The following AP1S1 variants were observed in gnomAD, a reference collection of about 807,000 sequenced individuals.
AP1S1 encodes adaptor related protein complex 1 subunit sigma 1.
In AP1S1, 13 loss-of-function variants were observed where a neutral mutation model predicts 23.9. The observed-to-expected ratio is 0.54, with a 90% CI of 0.35 to 0.86. AP1S1 has a LOEUF of 0.86. AP1S1 is among the 40% of genes least tolerant of loss of function. The pLI is 0.01. For synonymous variants in AP1S1, 84 were observed against 77.7 expected, an observed-to-expected ratio of 1.08 and a Z score of -0.43; for missense variants, 119 against 197.6, an observed-to-expected ratio of 0.60 and a Z score of 2.38.
chr7:101,157,524 TC>T, intron 3 of AP1S1, 39 bp downstream of exon 3: 1 of 1,486,126 alleles, frequency 6.7e-7, no homozygotes, highest in Non-Finnish European at 9.2e-7. Context: ...TTCCCAGCAA[TC>T]CCCTTTGGTA....
intron 2 of AP1S1, 128 bp from the exon 3 acceptor site, chr7:101,157,249 C>T (rs1370601285): frequency 2.4e-5 from 16 of 677,526 alleles, no homozygotes; most frequent in Admixed American, 4.8e-5. Flanking sequence ...TCTTTACATG[C>T]CCTAGGGCCA....
intron 3 of AP1S1, 61 bp downstream of exon 3, chr7:101,157,546 C>T (rs770247925): frequency 1.6e-5 from 21 of 1,306,364 alleles, no homozygotes; most frequent in Non-Finnish European, 2.1e-5. Flanking sequence ...ATCCACCAAA[C>T]TTTGAGGCCC....
chr7:101,160,787 G>A lies in AP1S1; in HGVS notation c.*221G>A. On this transcript the variant is annotated 3_prime_UTR_variant, in exon 5 of 5. Transcript: ENST00000337619. The stretch of plus-strand genomic sequence containing the variant: ...CCACTGAAGGTTTTAGAAGCTAGGA[G>A]GCAGGAAAATGTGACCCAGATGGGG... 1.4e-6 allele frequency: 1 copy of A among 718,762 alleles called. No homozygotes were observed. Among genetic ancestry groups the A allele is most frequent in the Non-Finnish European group, 2.5e-6 (1 of 400,378 alleles). The allele number at this position is 718,762 out of a possible 1,614,324, so 44.5% of individuals were successfully genotyped here. A position where few individuals can be genotyped will look rare whatever the true frequency, so the allele number is the denominator to read the frequency against.
In AP1S1 at chr7:101,160,736, C is replaced by A. The variant is rs371696190; in HGVS notation, c.*170C>A. The A allele has an allele frequency of 1.3e-6, 1 of 788,046 alleles. No individual in the cohort carries two copies. Among genetic ancestry groups the A allele is most frequent in the East Asian group, 2.6e-5 (1 of 38,450 alleles). 48.8% of individuals were successfully genotyped at this position (788,046 alleles called of 1,614,324 possible). On this transcript the variant is annotated 3_prime_UTR_variant, in exon 5 of 5. Transcript: ENST00000337619. ...GCCCTTCAAACATTCCCTCCCTCCACCCCCTACCTCCACTTTCCCCTTTTC... is the reference window on the plus strand; with the variant it reads ...GCCCTTCAAACATTCCCTCCCTCCAACCCCTACCTCCACTTTCCCCTTTTC...
intron 4 of AP1S1, 115 bp downstream of exon 4, chr7:101,159,311 T>C (rs1797047548): frequency 7.0e-7 from 1 of 1,431,758 alleles, no homozygotes; most frequent in Admixed American, 2.4e-5. Flanking sequence ...CCCCCCTCCC[T>C]GTGGTATCTG....
At chr7:101,155,938 T>C (rs1048545733) in intron 1 of AP1S1, among the ~76,000 whole-genome samples, 2 of 152,108 alleles carry the variant, frequency 1.3e-5, no homozygotes, top group Non-Finnish European at 2.9e-5. Context: ...GTAATAATAG[T>C]AATAACTAAC....
intron 1 of AP1S1, chr7:101,155,105 C>A (rs1486066141): frequency 9.3e-6 from 8 of 859,038 alleles, no homozygotes; most frequent in Non-Finnish European, 1.1e-5. Context: ...GGGCTCTCTG[C>A]CCCCCTTCCC....
intron 3 of AP1S1, 86 bp downstream of exon 3, chr7:101,157,571 C>A: frequency 9.3e-7 from 1 of 1,072,744 alleles, no homozygotes; most frequent in Non-Finnish European, 1.4e-6. Flanking sequence ...AGTCTCTGCC[C>A]TGGAAGTTTC....
chr7:101,160,143 C>T (rs1797072068), intron 4 of AP1S1, among the ~76,000 whole-genome samples: 1 of 152,076 alleles, frequency 6.6e-6, no homozygotes, highest in African/African-American at 2.4e-5. Flanking sequence ...CTCTGAAAAA[C>T]AGGACCCAGT....
At chr7:101,155,333 G>A (rs1217379114) in intron 1 of AP1S1, among the ~76,000 whole-genome samples, 1 of 152,224 alleles carries the variant, frequency 6.6e-6, no homozygotes, top group African/African-American at 2.4e-5. Flanking sequence ...ACTGGGGTAA[G>A]GAGAAGACTC....
Position 101,160,592 on chromosome 7 carries a change from T to A in AP1S1, c.*26T>A. 10 of 1,609,360 alleles carry A rather than the reference T, an allele frequency of 6.2e-6. No homozygotes were observed. Among genetic ancestry groups the A allele is most frequent in the Non-Finnish European group, 7.6e-6 (9 of 1,179,574 alleles). The stretch of plus-strand genomic sequence containing the variant: ...CCCCTGCTGGGCCGGGGTGTGGCGA[T>A]GGGGTCCTGGCAGCGTGGCGGGAAC... On this transcript the variant is annotated 3_prime_UTR_variant, in exon 5 of 5. Transcript: ENST00000337619.
Position 101,160,470 on chromosome 7 carries a change from C to T in AP1S1, c.430-49C>T, listed in dbSNP as rs746044215. Reference sequence around the variant, plus strand: ...GTGACTGCTGTCTTGCCCACCCTGTCGGCCTCTCCTGGTGTCTCTGCGTCA... The same window carrying T: ...GTGACTGCTGTCTTGCCCACCCTGTTGGCCTCTCCTGGTGTCTCTGCGTCA... On this transcript the variant is annotated intron_variant, in intron 4 of 4. Transcript: ENST00000337619. The T allele has an allele frequency of 5.9e-5, 94 of 1,600,342 alleles. No homozygotes were observed. In the East Asian group the frequency reaches 1.7e-3, roughly 28 times the overall value.
At chr7:101,159,494 G>A in intron 4 of AP1S1, 2 of 414,652 alleles carry the variant, frequency 4.8e-6, no homozygotes, top group South Asian at 3.0e-5. Flanking sequence ...TCTGAGCAAG[G>A]CTTAACACCA....
intron 4 of AP1S1, among the ~76,000 whole-genome samples, chr7:101,160,082 G>A (rs570959882): frequency 1.2e-4 from 18 of 151,192 alleles, no homozygotes; most frequent in African/African-American, 4.1e-4. Context: ...CTGCAGCCTG[G>A]TTCACCTTCC....
chr7:101,159,528 G>T, intron 4 of AP1S1: 1 of 249,064 alleles, frequency 4.0e-6, no homozygotes, highest in East Asian at 9.7e-5. Context: ...TTGCTCTGGA[G>T]TTAAGGGTTG....
At chr7:101,158,860 G>A (rs1256465686) in intron 3 of AP1S1, among the ~76,000 whole-genome samples, 199 bp from the exon 4 acceptor site, 1 of 152,196 alleles carries the variant, frequency 6.6e-6, no homozygotes. Flanking sequence ...CTGTGATCAT[G>A]CCACTGCACT....
rs1282369284 is a variant in AP1S1, at chr7:101,160,782, T to C, written c.*216T>C. 1.4e-6 allele frequency: 1 copy of C among 719,294 alleles called. No homozygotes were observed. The highest frequency in any genetic ancestry group is 1.8e-5 in the African/African-American group (1 of 56,956). The allele number at this position is 719,294 out of a possible 1,614,324, so 44.6% of individuals were successfully genotyped here. A position where few individuals can be genotyped will look rare whatever the true frequency, so the allele number is the denominator to read the frequency against. ...TTTTCCCACTGAAGGTTTTAGAAGC[T>C]AGGAGGCAGGAAAATGTGACCCAGA... On this transcript the variant is annotated 3_prime_UTR_variant, in exon 5 of 5. Transcript: ENST00000337619.
chr7:101,159,278 C>A, intron 4 of AP1S1, 82 bp downstream of exon 4: 1 of 1,527,410 alleles, frequency 6.5e-7, no homozygotes, highest in Non-Finnish European at 8.8e-7. Context: ...CCCGGCCTGC[C>A]CTGCCCACCG....
At chr7:101,154,705 GCGGGGAGGGGGCGCATTTGCAGGGCGAGC>G in intron 1 of AP1S1, 188 bp downstream of exon 1, 1 of 793,240 alleles carries the variant, frequency 1.3e-6, no homozygotes, top group East Asian at 3.4e-5. Context: ...CGGGAGAGGG[GCGGGGAGGGGGCGCATTTGCAGGGCGAGC>G]GGGGGCTGAC....
Sources: allele counts gnomAD v4.1 joint callset (sites outside exome capture counted in the v4.1 genomes callset), GRCh38; gene constraint gnomAD v4.1.1; transcripts MANE v1.5; gene names NCBI Gene and HGNC (gene_info 2026-07-23, HGNC 2026-07-21).